VAV2: variants seen among roughly 807,000 people sequenced by gnomAD.
VAV2 encodes guanine nucleotide exchange factor VAV2.
VAV2 carries 67 observed loss-of-function variants against 132.5 expected under a neutral mutation model. The ratio of observed to expected loss-of-function variants is 0.51; its 90% CI spans 0.42 to 0.62. The LOEUF is 0.62. Among genes scored for constraint, VAV2 ranks in the 20% least tolerant of loss-of-function variants. VAV2 has a pLI of 0.00. For missense variants in VAV2, 938 were observed against 1,153.6 expected, an observed-to-expected ratio of 0.81 and a Z score of 2.71; for synonymous variants, 492 against 443.5, an observed-to-expected ratio of 1.11 and a Z score of -1.37.
chr9:133,957,051 CTCTCTCCAACGCCACCAGTG>C (rs1564500261), intron 1 of VAV2, among the ~76,000 whole-genome samples: 1 of 152,208 alleles, frequency 6.6e-6, no homozygotes, highest in Non-Finnish European at 1.5e-5. Flanking sequence ...GTACCCAGGA[CTCTCTCCAACGCCACCAGTG>C]TCTCTCTGGT....
chr9:133,915,827 C>T (rs201375741), intron 2 of VAV2, among the ~76,000 whole-genome samples: 1 of 111,240 alleles, frequency 9.0e-6, no homozygotes, highest in Non-Finnish European at 2.0e-5. Flanking sequence ...CTCACACACG[C>T]ACACGTGCAC....
At chr9:133,923,092 A>G (rs1317293738) in intron 2 of VAV2, among the ~76,000 whole-genome samples, 1 of 152,238 alleles carries the variant, frequency 6.6e-6, no homozygotes, top group Non-Finnish European at 1.5e-5. Flanking sequence ...ACATGAAAAC[A>G]TGCTCAACAT....
At chr9:133,842,808 C>G (rs941069982) in intron 3 of VAV2, among the ~76,000 whole-genome samples, 1 of 152,258 alleles carries the variant, frequency 6.6e-6, no homozygotes, top group Non-Finnish European at 1.5e-5. Context: ...TGGGACCCCA[C>G]GCCCAGGGCA....
chr9:133,789,017 C>T (rs571964737), intron 14 of VAV2, among the ~76,000 whole-genome samples: 1 of 152,336 alleles, frequency 6.6e-6, no homozygotes, highest in Admixed American at 6.5e-5. Flanking sequence ...GCCTGGCCCT[C>T]ATCTTTGGCT....
chr9:133,777,181 G>A (rs1460534978), intron 23 of VAV2, among the ~76,000 whole-genome samples: 1 of 152,064 alleles, frequency 6.6e-6, no homozygotes, highest in Non-Finnish European at 1.5e-5. Context: ...CCGATCGGCT[G>A]AGCCCTTTAA....
chr9:133,807,206 G>A (rs1395367373), intron 8 of VAV2, 52 bp downstream of exon 8: 2 of 1,576,084 alleles, frequency 1.3e-6, no homozygotes, highest in Admixed American at 1.8e-5. Flanking sequence ...TGTGGCCAGT[G>A]CCGAGTTAGG....
intron 15 of VAV2, among the ~76,000 whole-genome samples, chr9:133,787,611 GC>G (rs1834279458): frequency 8.9e-6 from 1 of 111,816 alleles, no homozygotes; most frequent in Non-Finnish European, 1.9e-5. Context: ...CCTGACCCCC[GC>G]CCCCCACCCC....
intron 2 of VAV2, among the ~76,000 whole-genome samples, chr9:133,871,979 C>T (rs1838073423): frequency 6.6e-6 from 1 of 152,218 alleles, no homozygotes; most frequent in African/African-American, 2.4e-5. Flanking sequence ...TGAGTGTCTG[C>T]CCCACTGGGA....
Position 133,818,083 on chromosome 9 carries a change from G to A in VAV2, c.450-5867C>T, listed in dbSNP as rs183688217. Reference sequence around the variant, plus strand: ...ACGTAGAACAAAAAAGGCAGAGGGCGGCCGGGCGCGGCGGCTCACGCCTGT... The same window carrying A: ...ACGTAGAACAAAAAAGGCAGAGGGCAGCCGGGCGCGGCGGCTCACGCCTGT... On this transcript the variant is annotated intron_variant, in intron 4 of 29. Coordinates refer to ENST00000371850, the MANE Select transcript of VAV2 (RefSeq NM_001134398.2). 8.0e-3 allele frequency among the ~76,000 whole-genome samples: 1,224 copies of A among 152,082 alleles called. 27 individuals carry two copies. Among genetic ancestry groups the A allele is most frequent in the Admixed American group, 0.045 (691 of 15,274 alleles).
At chr9:133,921,047 T>C (rs1181750710) in intron 2 of VAV2, among the ~76,000 whole-genome samples, 1 of 152,160 alleles carries the variant, frequency 6.6e-6, no homozygotes, top group African/African-American at 2.4e-5. Flanking sequence ...ACTTAATAAA[T>C]GTCGTTGGCT....
At chr9:133,837,421 C>T (rs540730080) in intron 3 of VAV2, among the ~76,000 whole-genome samples, 2 of 152,284 alleles carry the variant, frequency 1.3e-5, no homozygotes, top group East Asian at 1.9e-4. Flanking sequence ...GTCGGCCAGG[C>T]GCGGTGGCTC....
At position 133,913,478 on chromosome 9, in the gene VAV2, A is replaced by G. The variant is rs138522840; in HGVS notation, c.321+25625T>C. ...GGAGGCTTCTATGCCAGGGATGCCA[A>G]TCAGAATCTTCAAGGGCGGTTTCTC... On this transcript the variant is annotated intron_variant, in intron 2 of 29. Coordinates refer to ENST00000371850, the MANE Select transcript of VAV2 (RefSeq NM_001134398.2). 3.4e-4 allele frequency among the ~76,000 whole-genome samples: 52 copies of G among 152,310 alleles called. 1 individual carries two copies. In the East Asian group the frequency reaches 9.5e-3, roughly 28 times the overall value.
chr9:133,872,851 G>A (rs756238579), intron 2 of VAV2, among the ~76,000 whole-genome samples: 3 of 152,210 alleles, frequency 2.0e-5, no homozygotes, highest in Non-Finnish European at 4.4e-5. Context: ...GGTGGCTCAC[G>A]CCTGTAATCC....
chr9:133,889,420 C>T (rs960601414), intron 2 of VAV2, among the ~76,000 whole-genome samples: 1 of 152,116 alleles, frequency 6.6e-6, no homozygotes, highest in African/African-American at 2.4e-5. Flanking sequence ...TGGGGGAAGG[C>T]GGCCACTGGC....
At chr9:133,899,304 C>T (rs867554231) in intron 2 of VAV2, among the ~76,000 whole-genome samples, 17 of 151,848 alleles carry the variant, frequency 1.1e-4, no homozygotes, top group South Asian at 8.3e-4. Flanking sequence ...TACCTGTAAC[C>T]CCAGCACTTT....
chr9:133,865,017 A>C (rs1837744949), intron 2 of VAV2, among the ~76,000 whole-genome samples: 1 of 152,238 alleles, frequency 6.6e-6, no homozygotes, highest in Non-Finnish European at 1.5e-5. Context: ...TGTAAATGCA[A>C]AGCTCTATGC....
At chr9:133,846,329 G>C (rs572520511) in intron 3 of VAV2, among the ~76,000 whole-genome samples, 1 of 152,260 alleles carries the variant, frequency 6.6e-6, no homozygotes, top group African/African-American at 2.4e-5. Flanking sequence ...CCTCCTGTTG[G>C]CTACCAGCCC....
At chr9:133,895,283 G>A (rs1002914623) in intron 2 of VAV2, among the ~76,000 whole-genome samples, 1 of 152,028 alleles carries the variant, frequency 6.6e-6, no homozygotes, top group Non-Finnish European at 1.5e-5. Flanking sequence ...AGCTCCTGGG[G>A]GAGGCCTGGC....
At chr9:133,830,021 CGATGATCG>C (rs1836203514) in intron 4 of VAV2, among the ~76,000 whole-genome samples, 1 of 152,074 alleles carries the variant, frequency 6.6e-6, no homozygotes, top group South Asian at 2.1e-4. Context: ...ATGGAATGAA[CGATGATCG>C]TGTGAATGAA....
Sources: gnomAD v4.1 joint callset for allele counts (sites outside exome capture counted in the v4.1 genomes callset) on GRCh38, gnomAD v4.1.1 for gene constraint, MANE v1.5 for transcripts, NCBI Gene and HGNC (gene_info 2026-07-23, HGNC 2026-07-21) for gene names.